NIM1K: variants seen among roughly 807,000 people sequenced by gnomAD.
NIM1K encodes NIM1 serine/threonine protein kinase.
In NIM1K, 35 loss-of-function variants were observed where a neutral mutation model predicts 37.1. The ratio of observed to expected loss-of-function variants is 0.94; its 90% confidence interval spans 0.72 to 1.25. NIM1K has a LOEUF of 1.25. NIM1K is among the 50% of genes most tolerant of loss of function. The pLI is 0.00. For missense variants in NIM1K, 564 were observed against 548.0 expected, an observed-to-expected ratio of 1.03 and a Z score of -0.29; for synonymous variants, 234 against 206.6, an observed-to-expected ratio of 1.13 and a Z score of -1.14.
At chr5:43,216,965 A>G (rs1368012350) in intron 1 of NIM1K, among the ~76,000 whole-genome samples, 1 of 152,246 alleles carries the variant, frequency 6.6e-6, no homozygotes, top group African/African-American at 2.4e-5. Flanking sequence ...TTATTTTAAC[A>G]GCTTTATTGA....
At chr5:43,266,753 C>T (rs1425599087) in intron 2 of NIM1K, among the ~76,000 whole-genome samples, 1 of 152,172 alleles carries the variant, frequency 6.6e-6, no homozygotes, top group Non-Finnish European at 1.5e-5. Context: ...TTGAACCTCC[C>T]CCCTGACTTG....
At chr5:43,211,244 G>C (rs60608366) in intron 1 of NIM1K, among the ~76,000 whole-genome samples, 1 of 152,104 alleles carries the variant, frequency 6.6e-6, no homozygotes, top group Non-Finnish European at 1.5e-5. Flanking sequence ...TTATGGGAGG[G>C]GGGTGGAAAG....
chr5:43,250,849 G>T (rs1317848389), intron 2 of NIM1K, among the ~76,000 whole-genome samples: 1 of 152,180 alleles, frequency 6.6e-6, no homozygotes, highest in African/African-American at 2.4e-5. Context: ...GGGTTCAGAT[G>T]TTAGATTCCA....
chr5:43,263,738 G>A (rs897454705), intron 2 of NIM1K, among the ~76,000 whole-genome samples: 3 of 152,032 alleles, frequency 2.0e-5, no homozygotes, highest in East Asian at 1.9e-4. Context: ...GATCTTTCCT[G>A]CTTTCTCTTG....
At chr5:43,213,382 C>T (rs1410525404) in intron 1 of NIM1K, among the ~76,000 whole-genome samples, 9 of 148,500 alleles carry the variant, frequency 6.1e-5, no homozygotes, top group African/African-American at 1.8e-4. Flanking sequence ...CAGGCTGGAG[C>T]GCAGCGGCAC....
intron 2 of NIM1K, among the ~76,000 whole-genome samples, chr5:43,265,741 C>A (rs1753137261): frequency 6.6e-6 from 1 of 152,178 alleles, no homozygotes. Flanking sequence ...TCTGGTTTCT[C>A]CCCATCTTTG....
chr5:43,198,207 C>CTTTCTTTCTT lies in NIM1K; in HGVS notation c.-695+5797_-695+5798insTTCTTTCTTT, dbSNP rs1281355308. The stretch of plus-strand genomic sequence containing the variant: ...TCTTTCTTTCTTTCTTTCTTTCTTT[C>CTTTCTTTCTT]TCTTTCTTTCTTTCTTTCTTTCTTT... On this transcript the variant is annotated intron_variant, in intron 1 of 3. Transcript: ENST00000326035. Among the ~76,000 whole-genome samples, 33 of 48,836 alleles carry CTTTCTTTCTT rather than the reference C, an allele frequency of 6.8e-4. 1 individual carries two copies. Among genetic ancestry groups the CTTTCTTTCTT allele is most frequent in the East Asian group, 2.8e-3 (4 of 1,432 alleles). 32.0% of individuals were successfully genotyped at this position (48,836 alleles called of 152,430 possible). A position where few individuals can be genotyped will look rare whatever the true frequency, so the allele number is the denominator to read the frequency against.
chr5:43,230,672 T>C (rs1248375550), intron 1 of NIM1K, among the ~76,000 whole-genome samples: 1 of 152,218 alleles, frequency 6.6e-6, no homozygotes, highest in East Asian at 1.9e-4. Context: ...ACTTCTGCAT[T>C]TTTTGAATGC....
chr5:43,268,700 T>C (rs1170168927), intron 2 of NIM1K, among the ~76,000 whole-genome samples: 1 of 152,196 alleles, frequency 6.6e-6, no homozygotes, highest in Admixed American at 6.5e-5. Context: ...TTAGCAGAAT[T>C]CAGGCTCTTC....
At chr5:43,233,259 TAA>T (rs150994819) in intron 1 of NIM1K, 18 of 563,140 alleles carry the variant, frequency 3.2e-5, no homozygotes, top group Admixed American at 1.6e-4. Context: ...GTGATTGATA[TAA>T]GAGAACCTGC....
At position 43,208,637 on chromosome 5, in the gene NIM1K, A is replaced by G. The variant is rs183238171; in HGVS notation, c.-695+16226A>G. On this transcript the variant is annotated intron_variant, in intron 1 of 3. Transcript: ENST00000326035. ...AAAAAAAAAGAAAAAAGAAAAGAGC[A>G]AATGTGTTCCAGTTAGGGGAAACTG... Among the ~76,000 whole-genome samples, 86 of 152,266 alleles carry G rather than the reference A, an allele frequency of 5.6e-4. No individual in the cohort carries two copies. The East Asian group carries it at 0.016, about 28-fold the overall frequency.
At chr5:43,254,262 T>C (rs925873556) in intron 2 of NIM1K, among the ~76,000 whole-genome samples, 2 of 152,128 alleles carry the variant, frequency 1.3e-5, no homozygotes, top group African/African-American at 4.8e-5. Flanking sequence ...CAGTTTCCAG[T>C]TTTAATGCCT....
chr5:43,212,974 G>T (rs1752224765), intron 1 of NIM1K, among the ~76,000 whole-genome samples: 1 of 152,076 alleles, frequency 6.6e-6, no homozygotes, highest in South Asian at 2.1e-4. Flanking sequence ...TAGAATATGG[G>T]CTCCCATATG....
At chr5:43,221,144 T>C (rs2112230313) in intron 1 of NIM1K, among the ~76,000 whole-genome samples, 1 of 152,238 alleles carries the variant, frequency 6.6e-6, no homozygotes, top group African/African-American at 2.4e-5. Context: ...GTGGTGTTGA[T>C]GGGGCAGAGA....
Position 43,245,740 on chromosome 5 carries a change from T to A in NIM1K, c.-36T>A, listed in dbSNP as rs772061783. The A allele has an allele frequency of 1.0e-5, 16 of 1,541,260 alleles. No homozygotes were observed. In the East Asian group the frequency reaches 3.6e-4, roughly 35 times the overall value. ...CTCTTCTGCTCCTGCACAACCTGCC[T>A]CTTCGCTGAGATGGAGACGTGAGCC... is the stretch of plus-strand genomic sequence containing the variant. On this transcript the variant is annotated 5_prime_UTR_variant, in exon 2 of 4. Transcript: ENST00000326035.
chr5:43,215,101 T>A (rs1752280994), intron 1 of NIM1K, among the ~76,000 whole-genome samples: 1 of 152,216 alleles, frequency 6.6e-6, no homozygotes. Context: ...CCCTGTGAGA[T>A]GACAGGTCCT....
Position 43,199,992 on chromosome 5 carries a change from C to T in NIM1K, c.-695+7581C>T, listed in dbSNP as rs191099108. 9.0e-3 allele frequency among the ~76,000 whole-genome samples: 1,376 copies of T among 152,132 alleles called. 47 individuals carry two copies. Among genetic ancestry groups the T allele is most frequent in the Admixed American group, 0.068 (1,036 of 15,266 alleles). On this transcript the variant is annotated intron_variant, in intron 1 of 3. Transcript: ENST00000326035. ...CCGGGTTCAAGTGATTCTCCTGCTT[C>T]GGCCTCCTGAGTAGCTGGGATTACA... is the stretch of plus-strand genomic sequence containing the variant.
chr5:43,206,870 C>G (rs541191944), intron 1 of NIM1K: 2 of 769,458 alleles, frequency 2.6e-6, no homozygotes, highest in East Asian at 4.9e-5. Context: ...CAAACAAGAA[C>G]GGCAGCTTTG....
Position 43,246,170 on chromosome 5 carries a change from C to A in NIM1K, c.292+103C>A, listed in dbSNP as rs1579977568. 6 of 999,772 alleles carry A rather than the reference C, an allele frequency of 6.0e-6. No individual in the cohort carries two copies. In the East Asian group the frequency reaches 1.5e-4, roughly 25 times the overall value. The allele number at this position is 999,772 out of a possible 1,614,324, so 61.9% of individuals were successfully genotyped here. On this transcript the variant is annotated intron_variant, in intron 2 of 3. Coordinates refer to ENST00000326035, the MANE Select transcript of NIM1K (RefSeq NM_153361.4). ...AAGGAAGCAAGTAAAGTGACCTCAGCAGAGCCCCTGCAAGGCCCACATCCT... is the reference window on the plus strand; with the variant it reads ...AAGGAAGCAAGTAAAGTGACCTCAGAAGAGCCCCTGCAAGGCCCACATCCT...
Sources: gnomAD v4.1 joint callset for allele counts (sites outside exome capture counted in the v4.1 genomes callset) on GRCh38, gnomAD v4.1.1 for gene constraint, MANE v1.5 for transcripts, NCBI Gene and HGNC (gene_info 2026-07-23, HGNC 2026-07-21) for gene names.